Variants in HPSE2 observed in about 807,000 individuals in gnomAD.
HPSE2 encodes heparanase 2 (inactive).
HPSE2 carries 38 observed loss-of-function variants against 60.5 expected under a neutral mutation model. The ratio of observed to expected loss-of-function variants is 0.63; its 90% confidence interval spans 0.48 to 0.82. The LOEUF (loss-of-function observed/expected upper bound fraction) is 0.82, where lower values mean the gene tolerates loss of function less well. HPSE2 is among the 40% of genes least tolerant of loss of function. HPSE2 has a pLI of 0.00. For missense variants in HPSE2, 713 were observed against 740.4 expected (o/e 0.96, Z 0.43); for synonymous variants, 295 against 293.2 (o/e 1.01, Z -0.06).
intron 3 of HPSE2, among the ~76,000 whole-genome samples, chr10:98,900,207 T>C (rs1953626977): frequency 6.6e-6 from 1 of 152,160 alleles, no homozygotes; most frequent in Non-Finnish European, 1.5e-5. Flanking sequence ...AATGAATTTA[T>C]AAGCAAGCTG....
chr10:98,819,934 T>C (rs1202717593), intron 3 of HPSE2, among the ~76,000 whole-genome samples: 4 of 152,090 alleles, frequency 2.6e-5, no homozygotes, highest in Non-Finnish European at 5.9e-5. Flanking sequence ...CTATGAAACA[T>C]TAATAATATT....
chr10:98,734,227 C>T (rs1187027227), intron 4 of HPSE2, among the ~76,000 whole-genome samples: 1 of 152,092 alleles, frequency 6.6e-6, no homozygotes, highest in Non-Finnish European at 1.5e-5. Context: ...ATGTATTTGT[C>T]ACGTTTCATT....
At chr10:98,577,418 TA>T (rs1426390301) in intron 9 of HPSE2, among the ~76,000 whole-genome samples, 1 of 152,192 alleles carries the variant, frequency 6.6e-6, no homozygotes, top group Non-Finnish European at 1.5e-5. Context: ...ACAAAGTGAA[TA>T]ACCCTCACCC....
At chr10:99,278,107 A>C in the HPSE2 span, among the ~76,000 whole-genome samples, 2 of 138,036 alleles carry the variant, frequency 1.4e-5, no homozygotes, top group African/African-American at 5.0e-5. Context: ...AAAAAAAAAA[A>C]AAACTGATAT....
chr10:99,135,032 G>C (rs11516933), intron 3 of HPSE2, among the ~76,000 whole-genome samples: 77,408 of 151,782 alleles, frequency 0.51, 21,504 homozygotes, highest in East Asian at 0.66. Context: ...ATTTACCAAG[G>C]AAATGGAAAG....
chr10:98,972,005 G>T (rs563224932), intron 3 of HPSE2, among the ~76,000 whole-genome samples: 2 of 151,978 alleles, frequency 1.3e-5, no homozygotes, highest in African/African-American at 4.8e-5. Context: ...ACAAATCATT[G>T]TATCTATAGT....
intron 5 of HPSE2, among the ~76,000 whole-genome samples, chr10:98,695,339 G>A (rs1948184280): frequency 6.6e-6 from 1 of 152,124 alleles, no homozygotes; most frequent in Non-Finnish European, 1.5e-5. Flanking sequence ...TGGCTGAACG[G>A]TTTTGCCTTT....
chr10:98,815,282 G>A (rs183668943), intron 3 of HPSE2, among the ~76,000 whole-genome samples: 71 of 152,150 alleles, frequency 4.7e-4, no homozygotes, highest in African/African-American at 1.6e-3. Flanking sequence ...ACACTACCTC[G>A]AAAAAAATCA....
At chr10:98,467,982 C>CCCGGGCT (rs1940617518) in intron 11 of HPSE2, among the ~76,000 whole-genome samples, 1 of 152,240 alleles carries the variant, frequency 6.6e-6, no homozygotes, top group Admixed American at 6.5e-5. Context: ...GCTGGGCTCT[C>CCCGGGCT]CCGGGCTCCG....
chr10:99,064,189 G>A (rs1410353335), intron 3 of HPSE2, among the ~76,000 whole-genome samples: 1 of 152,118 alleles, frequency 6.6e-6, no homozygotes, highest in African/African-American at 2.4e-5. Context: ...AAGAGTTGGG[G>A]TAGGAGGAAC....
intron 9 of HPSE2, among the ~76,000 whole-genome samples, chr10:98,552,854 A>G (rs546783349): frequency 6.6e-6 from 1 of 152,110 alleles, no homozygotes; most frequent in African/African-American, 2.4e-5. Context: ...AGCCTCTTCT[A>G]TAACATTTAT....
intron 3 of HPSE2, among the ~76,000 whole-genome samples, chr10:98,783,003 A>G (rs1290375023): frequency 1.8e-5 from 2 of 111,380 alleles, no homozygotes; most frequent in Non-Finnish European, 3.6e-5. Context: ...GGTTAGTTAC[A>G]TATGTATACA....
chr10:99,142,966 A>G (rs1013915716), intron 3 of HPSE2, among the ~76,000 whole-genome samples: 4 of 152,124 alleles, frequency 2.6e-5, no homozygotes, highest in Admixed American at 1.3e-4. Flanking sequence ...ACACGCACGT[A>G]TTTATACACA....
intron 2 of HPSE2, among the ~76,000 whole-genome samples, chr10:99,179,027 T>C (rs1847649651): frequency 6.6e-6 from 1 of 152,104 alleles, no homozygotes; most frequent in Non-Finnish European, 1.5e-5. Context: ...ACCACATAAT[T>C]ATCTCAATAG....
At chr10:98,694,881 C>T (rs879795949) in intron 5 of HPSE2, among the ~76,000 whole-genome samples, 6 of 152,140 alleles carry the variant, frequency 3.9e-5, no homozygotes, top group African/African-American at 1.4e-4. Context: ...CCTTTCAGTC[C>T]GGACACCCTG....
chr10:99,162,328 C>T (rs1051741665), intron 2 of HPSE2, among the ~76,000 whole-genome samples: 3 of 152,190 alleles, frequency 2.0e-5, no homozygotes, highest in East Asian at 3.8e-4. Flanking sequence ...GCCATTGTTA[C>T]ATCATGTATA....
intron 5 of HPSE2, among the ~76,000 whole-genome samples, chr10:98,704,335 A>G (rs1429559432): frequency 6.6e-6 from 1 of 152,160 alleles, no homozygotes; most frequent in African/African-American, 2.4e-5. Flanking sequence ...ACACTGCCCA[A>G]AGTAATTTAC....
chr10:98,524,864 G>GATGA (rs1261984701), intron 9 of HPSE2, among the ~76,000 whole-genome samples: 1 of 152,138 alleles, frequency 6.6e-6, no homozygotes, highest in East Asian at 1.9e-4. Context: ...ACAATATAAA[G>GATGA]ATGAATGGTA....
chr10:98,470,069 T>G (rs1940713078), intron 11 of HPSE2, among the ~76,000 whole-genome samples: 1 of 151,324 alleles, frequency 6.6e-6, no homozygotes, highest in African/African-American at 2.4e-5. Flanking sequence ...TTTACAGCAG[T>G]CTACAGGTGG....
Sources: allele counts gnomAD v4.1 joint callset (sites outside exome capture counted in the v4.1 genomes callset), GRCh38; gene constraint gnomAD v4.1.1; transcripts MANE v1.5; gene names NCBI Gene and HGNC (gene_info 2026-07-23, HGNC 2026-07-21).